USP8: variants seen among roughly 807,000 people sequenced by gnomAD.
USP8 encodes ubiquitin carboxyl-terminal hydrolase 8.
Under a neutral mutation model 130.0 loss-of-function variants are expected in USP8, and 27 were observed. The ratio of observed to expected loss-of-function variants is 0.21; its 90% CI spans 0.15 to 0.29. The LOEUF (loss-of-function observed/expected upper bound fraction) is 0.29. Ranked by LOEUF, USP8 falls within the 10% of genes least tolerant of loss-of-function variation. The pLI, the probability that USP8 is intolerant of heterozygous loss-of-function variation, is 1.00. For missense variants in USP8, 1,029 were observed against 1,312.2 expected, an observed-to-expected ratio of 0.78 and a Z score of 3.33; for synonymous variants, 392 against 444.1, an observed-to-expected ratio of 0.88 and a Z score of 1.48.
At chr15:50,444,097 G>GTTTTTT (rs751970462) in intron 3 of USP8, among the ~76,000 whole-genome samples, 2 of 117,488 alleles carry the variant, frequency 1.7e-5, no homozygotes, top group East Asian at 2.7e-4. Flanking sequence ...TGTGTGGTAG[G>GTTTTTT]TTTTTTTTTT....
intron 11 of USP8, among the ~76,000 whole-genome samples, chr15:50,482,414 T>C (rs2051807975): frequency 6.6e-6 from 1 of 152,242 alleles, no homozygotes; most frequent in South Asian, 2.1e-4. Context: ...ATGGGGAAAC[T>C]AGATGCTAAT....
rs1203046815 is a variant in USP8 at position 50,504,018 on chromosome 15, A to C, written c.*4930A>C. Reference sequence around the variant, plus strand: ...TAGAATTTTCAGAAATGAGAAATACAACATAGTTGGCCGTCCATATTTACG... The same window carrying C: ...TAGAATTTTCAGAAATGAGAAATACCACATAGTTGGCCGTCCATATTTACG... On this transcript the variant is annotated 3_prime_UTR_variant, in exon 20 of 20. Coordinates refer to ENST00000307179, the MANE Select transcript of USP8 (RefSeq NM_005154.5). 1 of 152,230 alleles carries C rather than the reference A, an allele frequency of 6.6e-6. No individual in the cohort carries two copies. The highest frequency in any genetic ancestry group is 1.5e-5 in the Non-Finnish European group (1 of 68,050). 9.4% of individuals were successfully genotyped at this position (152,230 alleles called of 1,614,324 possible).
At position 50,447,712 on chromosome 15, in the gene USP8, G is replaced by A. The variant is rs186131020; in HGVS notation, c.250-1688G>A. Among the ~76,000 whole-genome samples the A allele has an allele frequency of 3.5e-3, 527 of 151,670 alleles. 13 individuals are homozygous for A. The highest frequency in any genetic ancestry group is 1.7e-3 in the East Asian group (9 of 5,164). On this transcript the variant is annotated intron_variant, in intron 3 of 19. Coordinates refer to ENST00000307179, the MANE Select transcript of USP8 (RefSeq NM_005154.5). ...CGAGTAGCTGGGATTACAGGCGCAC[G>A]CCACCATGCCTGGCTAATTTTTGCA...
At position 50,486,009 on chromosome 15, in the gene USP8, C is replaced by A. The variant is rs1317719032; in HGVS notation, c.1890+1648C>A. Among the ~76,000 whole-genome samples the A allele has an allele frequency of 4.6e-5, 7 of 152,092 alleles. No homozygotes were observed. The East Asian group carries it at 9.6e-4, about 21-fold the overall frequency. ...GTTATTTTTTTCAAGTATTTTCAAT[C>A]TGTGGATGGTTGAATTCACAGATGC... On this transcript the variant is annotated intron_variant, in intron 12 of 19. Coordinates refer to ENST00000307179, the MANE Select transcript of USP8 (RefSeq NM_005154.5).
chr15:50,445,568 A>AAAAAAAAAAAAAAAAT (rs1248390470), intron 3 of USP8, among the ~76,000 whole-genome samples: 1 of 112,788 alleles, frequency 8.9e-6, no homozygotes, highest in Non-Finnish European at 1.8e-5. Context: ...AAAAAAAAAA[A>AAAAAAAAAAAAAAAAT]AGCCTGGGCA....
chr15:50,460,951 A>G (rs895974391), intron 5 of USP8, among the ~76,000 whole-genome samples: 1 of 150,718 alleles, frequency 6.6e-6, no homozygotes, highest in Non-Finnish European at 1.5e-5. Flanking sequence ...GAGTCCAGGA[A>G]TTTGAGACCA....
rs185834239 is a variant in USP8 at position 50,456,337 on chromosome 15, C to T, written c.336-2663C>T. Among the ~76,000 whole-genome samples the T allele has an allele frequency of 2.1e-3, 321 of 151,606 alleles. 1 individual carries two copies. The highest frequency in any genetic ancestry group is 3.0e-3 in the Non-Finnish European group (202 of 67,888). On this transcript the variant is annotated intron_variant, in intron 4 of 19. Coordinates refer to ENST00000307179, the MANE Select transcript of USP8 (RefSeq NM_005154.5). ...CTGTAATCCCAGCACTTTGGGAGGC[C>T]GAGGCAGGTGGATCACAAGGTCAGG...
rs1012216216 is a variant in USP8 at position 50,513,940 on chromosome 15, C to A, written c.*14852C>A. On this transcript the variant is annotated 3_prime_UTR_variant, in exon 20 of 20. Transcript: ENST00000307179. ...GGTATGTACTCAAAAGAACTGTGTA[C>A]ACTATGTTCACCAAAAAACAAGAAT... 6.6e-6 allele frequency: 1 copy of A among 152,144 alleles called. No individual in the cohort carries two copies. The allele number at this position is 152,144 out of a possible 1,614,324, so 9.4% of individuals were successfully genotyped here. A position where few individuals can be genotyped will look rare whatever the true frequency, so the allele number is the denominator to read the frequency against.
At chr15:50,495,724 G>A (rs1193203648) in intron 16 of USP8, 124 bp from the exon 17 acceptor site, 2 of 745,448 alleles carry the variant, frequency 2.7e-6, no homozygotes, top group East Asian at 5.5e-5. Context: ...AGTGAGATCA[G>A]AACTCCTTTA....
intron 6 of USP8, chr15:50,463,598 T>C (rs1478879240): frequency 1.3e-5 from 2 of 152,238 alleles, no homozygotes; most frequent in African/African-American, 2.4e-5. Context: ...CATTCCAAGA[T>C]TAGTTTTTAT....
At position 50,514,276 on chromosome 15, in the gene USP8, G is replaced by A. The variant is rs1366894376; in HGVS notation, c.*15188G>A. 2 of 152,208 alleles carry A rather than the reference G, an allele frequency of 1.3e-5. No homozygotes were observed. The highest frequency in any genetic ancestry group is 2.9e-5 in the Non-Finnish European group (2 of 68,040). 9.4% of individuals were successfully genotyped at this position (152,208 alleles called of 1,614,324 possible). The stretch of plus-strand genomic sequence containing the variant: ...AGACTCGAAGGCAGGTACAAGCACA[G>A]TTAGGGTGCTGGTAACATTCTGTTT... On this transcript the variant is annotated 3_prime_UTR_variant, in exon 20 of 20. Transcript: ENST00000307179.
In USP8 at chr15:50,481,843, G is replaced by T. The variant is rs1216545969; in HGVS notation, c.1581G>T (p.Lys527Asn). 6.5e-7 allele frequency: 1 copy of T among 1,528,236 alleles called. No homozygotes were observed. The highest frequency in any genetic ancestry group is 2.4e-5 in the East Asian group (1 of 41,304). The allele number at this position is 1,528,236 out of a possible 1,614,324, so 94.7% of individuals were successfully genotyped here. A position where few individuals can be genotyped will look rare whatever the true frequency, so the allele number is the denominator to read the frequency against. Reference protein sequence around the residue: ...KQQKAKEEMEKKESEQAKKED... With the variant: ...KQQKAKEEMENKESEQAKKED... ...AAAAAGCAAAAGAAGAAATGGAGAA[G>T]AAAGAAAGTGAACAGGCCAAGAAAG... Residue 527 changes from lysine to asparagine, a missense_variant, in exon 11 of 20, where the codon AAG becomes AAT. Around this residue, in one of 4 missense-constraint regions of USP8, gnomAD observed 486 missense variants for 522.0 expected, o/e 0.93. Coordinates refer to ENST00000307179, the MANE Select transcript of USP8 (RefSeq NM_005154.5).
At chr15:50,467,924 AATTTATTTATTTTT>A (rs1472801055) in intron 7 of USP8, among the ~76,000 whole-genome samples, 4 of 151,068 alleles carry the variant, frequency 2.6e-5, no homozygotes, top group East Asian at 3.9e-4. Context: ...ATTTTAATTT[AATTTATTTATTTTT>A]ATTTATTTAT....
At chr15:50,493,063 T>TTGAC (rs1354616923) in intron 15 of USP8, 150 bp downstream of exon 15, 1 of 859,518 alleles carries the variant, frequency 1.2e-6, no homozygotes. Context: ...CTCTTAGTTC[T>TTGAC]TGACTGGGAA....
At chr15:50,476,531 T>C (rs1012258810) in intron 8 of USP8, among the ~76,000 whole-genome samples, 3 of 152,240 alleles carry the variant, frequency 2.0e-5, no homozygotes, top group Non-Finnish European at 2.9e-5. Context: ...AAAGGTTTTA[T>C]TGAAAACTCT....
rs141647038 is a variant in USP8, at chr15:50,457,181, A to T, written c.336-1819A>T. Among the ~76,000 whole-genome samples, 6 of 152,360 alleles carry T rather than the reference A, an allele frequency of 3.9e-5. No homozygotes were observed. In the East Asian group the frequency reaches 1.2e-3, roughly 29 times the overall value. ...AATTTTAAATATGTGAAGCTGGCAC[A>T]GTTATTTGAATAGTCACCATTTCTA... On this transcript the variant is annotated intron_variant, in intron 4 of 19. Transcript: ENST00000307179.
Position 50,443,141 on chromosome 15 carries a change from C to T in USP8, c.249+1648C>T, listed in dbSNP as rs531283832. The stretch of plus-strand genomic sequence containing the variant: ...GCAACCTCCACCTTTCGGGTTCAAG[C>T]GATTCTCCTGCCTCAGCCTCCTGAG... On this transcript the variant is annotated intron_variant, in intron 3 of 19. Transcript: ENST00000307179. Among the ~76,000 whole-genome samples the T allele has an allele frequency of 2.4e-4, 36 of 152,194 alleles. No homozygotes were observed. In the South Asian group the frequency reaches 6.6e-3, roughly 28 times the overall value.
intron 5 of USP8, among the ~76,000 whole-genome samples, chr15:50,460,491 T>C (rs1267900170): frequency 1.3e-5 from 2 of 151,728 alleles, no homozygotes; most frequent in Admixed American, 1.3e-4. Flanking sequence ...GTATTTTTAG[T>C]AGAGATGGGG....
Position 50,513,606 on chromosome 15 carries a change from T to A in USP8, c.*14518T>A, listed in dbSNP as rs959150975. 3.3e-5 allele frequency: 5 copies of A among 150,120 alleles called. No homozygotes were observed. Among genetic ancestry groups the A allele is most frequent in the African/African-American group, 9.8e-5 (4 of 40,878 alleles). The allele number at this position is 150,120 out of a possible 1,614,324, so 9.3% of individuals were successfully genotyped here. ...CTCAAGATTTAAAAAGAACTACAAT[T>A]CCATAAGAAAAAGGCAGGCCACAGA... On this transcript the variant is annotated 3_prime_UTR_variant, in exon 20 of 20. Coordinates refer to ENST00000307179, the MANE Select transcript of USP8 (RefSeq NM_005154.5).
Sources: gnomAD v4.1 joint callset for allele counts (sites outside exome capture counted in the v4.1 genomes callset) on GRCh38, gnomAD v4.1.1 for gene constraint, gnomAD v4.1.1 regional missense constraint, MANE v1.5 for transcripts, NCBI Gene and HGNC (gene_info 2026-07-23, HGNC 2026-07-21) for gene names.